Variants in USP34 observed in about 807,000 individuals in gnomAD.
The protein encoded by USP34 is ubiquitin carboxyl-terminal hydrolase 34.
In USP34, 70 loss-of-function variants were observed where a neutral mutation model predicts 460.3. That is an observed-to-expected ratio of 0.15 (90% CI 0.13 to 0.19). USP34 has a LOEUF of 0.19. Ranked by LOEUF, USP34 falls within the 10% of genes least tolerant of loss-of-function variation. The pLI, the probability that USP34 is intolerant of heterozygous loss-of-function variation, is 1.00. For synonymous variants in USP34, 1,647 were observed against 1,405.3 expected, an observed-to-expected ratio of 1.17 and a Z score of -3.85; for missense variants, 3,985 against 4,236.2, an observed-to-expected ratio of 0.94 and a Z score of 1.65.
chr2:61,462,080 G>C (rs1035444832), intron 1 of USP34, among the ~76,000 whole-genome samples: 1 of 151,126 alleles, frequency 6.6e-6, no homozygotes, highest in East Asian at 2.0e-4. Context: ...TCTACTAAAC[G>C]TAACAAAAAT....
chr2:61,187,760 A>G lies in USP34; in HGVS notation c.*342T>C, dbSNP rs1045507749. On this transcript the variant is annotated 3_prime_UTR_variant, in exon 80 of 80. Transcript: ENST00000398571. ...GTACAAAACTGGCACAGAGGACACC[A>G]TATCATACACAGTAAAAATGCTGTA... is the stretch of plus-strand genomic sequence containing the variant. The G allele has an allele frequency of 1.1e-5, 6 of 565,304 alleles. No individual in the cohort carries two copies. The highest frequency in any genetic ancestry group is 2.0e-5 in the African/African-American group (1 of 48,812). The allele number at this position is 565,304 out of a possible 1,614,324, so 35.0% of individuals were successfully genotyped here.
intron 20 of USP34, 89 bp downstream of exon 20, chr2:61,331,182 TTATTA>T: frequency 9.6e-7 from 1 of 1,046,256 alleles, no homozygotes; most frequent in Non-Finnish European, 1.4e-6. Flanking sequence ...TTACAATTAC[TTATTA>T]TATGAAAAAA....
intron 29 of USP34, 35 bp from the exon 30 acceptor site, chr2:61,296,960 G>C (rs1444893762): frequency 1.3e-6 from 2 of 1,559,272 alleles, no homozygotes; most frequent in Non-Finnish European, 1.7e-6. Context: ...TATCAAAACA[G>C]ATCAGAAAAG....
rs1203440914 is a variant in USP34 at position 61,187,890 on chromosome 2, T to G, written c.*212A>C. 2.2e-6 allele frequency: 3 copies of G among 1,393,286 alleles called. No homozygotes were observed. Among genetic ancestry groups the G allele is most frequent in the African/African-American group, 2.9e-5 (2 of 68,724 alleles). The allele number at this position is 1,393,286 out of a possible 1,614,324, so 86.3% of individuals were successfully genotyped here. On this transcript the variant is annotated 3_prime_UTR_variant, in exon 80 of 80. Coordinates refer to ENST00000398571, the MANE Select transcript of USP34 (RefSeq NM_014709.4). ...CTCTTAATTACATAAAACATATCCATTATCTGATTGCCCTTTAGGAAGTAT... is the reference window on the plus strand; with the variant it reads ...CTCTTAATTACATAAAACATATCCAGTATCTGATTGCCCTTTAGGAAGTAT...
chr2:61,212,215 T>C (rs2103788084), intron 68 of USP34, among the ~76,000 whole-genome samples: 1 of 152,232 alleles, frequency 6.6e-6, no homozygotes, highest in East Asian at 1.9e-4. Flanking sequence ...TCTACTAAAA[T>C]ACAAATAATA....
At chr2:61,198,603 GT>G (rs1686879433) in intron 75 of USP34, among the ~76,000 whole-genome samples, 1 of 150,776 alleles carries the variant, frequency 6.6e-6, no homozygotes, top group African/African-American at 2.4e-5. Context: ...GGGTGCAGTG[GT>G]TCATGCCTGT....
At chr2:61,222,926 G>T in intron 64 of USP34, 134 bp downstream of exon 64, 1 of 809,082 alleles carries the variant, frequency 1.2e-6, no homozygotes, top group South Asian at 1.9e-5. Flanking sequence ...CAAACTCCTA[G>T]GCTCAAGCGA....
chr2:61,358,774 A>C (rs1032329372), intron 10 of USP34, among the ~76,000 whole-genome samples: 1 of 152,228 alleles, frequency 6.6e-6, no homozygotes, highest in African/African-American at 2.4e-5. Flanking sequence ...CCAAGTTGCA[A>C]GGAACAAGAT....
intron 10 of USP34, among the ~76,000 whole-genome samples, chr2:61,367,573 C>A (rs564826218): frequency 6.6e-6 from 1 of 152,160 alleles, no homozygotes; most frequent in Non-Finnish European, 1.5e-5. Flanking sequence ...AGGCTCAAGG[C>A]ACACAATCAT....
chr2:61,351,299 T>A (rs968970547), intron 10 of USP34, among the ~76,000 whole-genome samples: 1 of 152,218 alleles, frequency 6.6e-6, no homozygotes, highest in Non-Finnish European at 1.5e-5. Flanking sequence ...AGTATTTATA[T>A]AATGCTTTTA....
At chr2:61,376,022 C>G (rs1285221973) in intron 8 of USP34, among the ~76,000 whole-genome samples, 1 of 151,942 alleles carries the variant, frequency 6.6e-6, no homozygotes, top group African/African-American at 2.4e-5. Context: ...GGTAAATCTA[C>G]AGAGACAGAA....
chr2:61,220,187 AT>A, intron 67 of USP34, 122 bp downstream of exon 67: 4 of 572,232 alleles, frequency 7.0e-6, no homozygotes, highest in South Asian at 1.0e-4. Context: ...AAAAAAGGAA[AT>A]AACATCTCCA....
intron 2 of USP34, chr2:61,417,310 T>C (rs1694225264): frequency 8.2e-6 from 6 of 731,786 alleles, no homozygotes; most frequent in South Asian, 7.5e-5. Flanking sequence ...CCAAGGAAGC[T>C]GCTGTTTACA....
intron 10 of USP34, among the ~76,000 whole-genome samples, chr2:61,352,457 T>C (rs72813556): frequency 0.16 from 24,054 of 151,686 alleles, 2,263 homozygotes; most frequent in South Asian, 0.36. Context: ...TGAAACCTTG[T>C]TGGGGTTTCT....
intron 21 of USP34, among the ~76,000 whole-genome samples, chr2:61,323,812 A>G (rs553839527): frequency 4.6e-5 from 7 of 152,288 alleles, no homozygotes; most frequent in Admixed American, 3.3e-4. Flanking sequence ...GTTTTGCTGT[A>G]TTTTACTTAT....
At chr2:61,254,910 C>T (rs1688684942) in intron 48 of USP34, among the ~76,000 whole-genome samples, 1 of 152,124 alleles carries the variant, frequency 6.6e-6, no homozygotes, top group Non-Finnish European at 1.5e-5. Context: ...TGCAATGGCA[C>T]AATCATGGCT....
chr2:61,352,704 T>A (rs753267628), intron 10 of USP34, among the ~76,000 whole-genome samples: 96 of 150,652 alleles, frequency 6.4e-4, no homozygotes, highest in Non-Finnish European at 1.2e-3. Context: ...ACCCACTCTT[T>A]CAAATGTGTA....
chr2:61,470,197 T>A (rs1695906252), intron 1 of USP34, among the ~76,000 whole-genome samples: 1 of 152,074 alleles, frequency 6.6e-6, no homozygotes. Flanking sequence ...GGGAGTTTAA[T>A]GAAAATTAGC....
intron 16 of USP34, among the ~76,000 whole-genome samples, chr2:61,343,433 T>C (rs1443854539): frequency 6.6e-6 from 1 of 152,188 alleles, no homozygotes; most frequent in Non-Finnish European, 1.5e-5. Context: ...TTGCCTATTC[T>C]AGACATATCA....
Sources: gnomAD v4.1 joint callset for allele counts (sites outside exome capture counted in the v4.1 genomes callset) on GRCh38, gnomAD v4.1.1 for gene constraint, MANE v1.5 for transcripts, NCBI Gene and HGNC (gene_info 2026-07-23, HGNC 2026-07-21) for gene names.